RBMS1: variants seen among roughly 807,000 people sequenced by gnomAD.
RBMS1 encodes RNA binding motif single stranded interacting protein 1.
RBMS1 carries 17 observed loss-of-function variants against 62.3 expected under a neutral mutation model. The observed-to-expected ratio is 0.27, with a 90% confidence interval of 0.19 to 0.41. The LOEUF is 0.41. Among genes scored for constraint, RBMS1 ranks in the 10% least tolerant of loss-of-function variants. The probability of loss-of-function intolerance (pLI) is 1.00; values close to 1 mark genes in which losing one functional copy is unlikely to be tolerated. For synonymous variants in RBMS1, 172 were observed against 170.0 expected (o/e 1.01, Z -0.09); for missense variants, 334 against 504.5 (o/e 0.66, Z 3.24).
At chr2:160,360,013 G>C (rs1238154760) in intron 2 of RBMS1, among the ~76,000 whole-genome samples, 4 of 152,068 alleles carry the variant, frequency 2.6e-5, no homozygotes, top group Non-Finnish European at 5.9e-5. Flanking sequence ...CTTGAACCCG[G>C]GAGACAGAGG....
intron 1 of RBMS1, among the ~76,000 whole-genome samples, chr2:160,472,425 C>G (rs1041438460): frequency 1.3e-5 from 2 of 152,210 alleles, no homozygotes; most frequent in Admixed American, 6.5e-5. Context: ...GCTAACAACA[C>G]CGAAGGATAA....
intron 1 of RBMS1, among the ~76,000 whole-genome samples, chr2:160,414,750 A>G (rs1363528715): frequency 6.6e-6 from 1 of 151,834 alleles, no homozygotes; most frequent in Non-Finnish European, 1.5e-5. Flanking sequence ...AAAATCGTTG[A>G]GTTAGCTAGC....
chr2:160,286,319 T>TA, intron 7 of RBMS1, among the ~76,000 whole-genome samples: 1 of 149,624 alleles, frequency 6.7e-6, no homozygotes, highest in South Asian at 2.1e-4. Flanking sequence ...TTTTTTTTTT[T>TA]ATTTTGTTTT....
At chr2:160,477,864 C>A (rs1338285978) in intron 1 of RBMS1, among the ~76,000 whole-genome samples, 3 of 152,164 alleles carry the variant, frequency 2.0e-5, no homozygotes, top group Non-Finnish European at 4.4e-5. Flanking sequence ...CCATCTTTCA[C>A]CATTGAAAAT....
intron 1 of RBMS1, among the ~76,000 whole-genome samples, chr2:160,408,925 C>G (rs558153116): frequency 2.0e-5 from 3 of 152,314 alleles, no homozygotes; most frequent in African/African-American, 7.2e-5. Flanking sequence ...GCAGTAAATA[C>G]TACAGAGTTC....
intron 1 of RBMS1, among the ~76,000 whole-genome samples, chr2:160,492,156 GA>G (rs1316554458): frequency 6.6e-6 from 1 of 152,142 alleles, no homozygotes; most frequent in East Asian, 1.9e-4. Flanking sequence ...AGAAAGTTCG[GA>G]CACTGCATCC....
At chr2:160,299,526 A>AAAG in intron 6 of RBMS1, among the ~76,000 whole-genome samples, 1 of 152,298 alleles carries the variant, frequency 6.6e-6, no homozygotes, top group African/African-American at 2.4e-5. Context: ...AAAAAAATGA[A>AAAG]CAAAAGCAAA....
At chr2:160,422,326 A>G (rs1157023268) in intron 1 of RBMS1, among the ~76,000 whole-genome samples, 3 of 152,076 alleles carry the variant, frequency 2.0e-5, no homozygotes, top group African/African-American at 7.3e-5. Flanking sequence ...CTTCAAGAAA[A>G]CCTACACATC....
intron 1 of RBMS1, among the ~76,000 whole-genome samples, chr2:160,448,594 T>G (rs1683780341): frequency 6.6e-6 from 1 of 152,258 alleles, no homozygotes; most frequent in Non-Finnish European, 1.5e-5. Context: ...GCTCACTCAG[T>G]GCTCGATGTT....
chr2:160,450,571 A>AC (rs1240959732), intron 1 of RBMS1, among the ~76,000 whole-genome samples: 6 of 150,058 alleles, frequency 4.0e-5, no homozygotes, highest in Non-Finnish European at 7.4e-5. Flanking sequence ...AATGAAAAAA[A>AC]AAAAAAAACA....
At chr2:160,475,306 G>A (rs556096632) in intron 1 of RBMS1, among the ~76,000 whole-genome samples, 1 of 152,324 alleles carries the variant, frequency 6.6e-6, no homozygotes, top group South Asian at 2.1e-4. Context: ...GCCGACCACA[G>A]GCCCTGCATC....
intron 6 of RBMS1, among the ~76,000 whole-genome samples, chr2:160,288,050 A>AG (rs1460900404): frequency 6.6e-6 from 1 of 151,702 alleles, no homozygotes; most frequent in Non-Finnish European, 1.5e-5. Context: ...GAGTTAAAAA[A>AG]AAAAAAAAGT....
At chr2:160,477,272 A>G (rs543742290) in intron 1 of RBMS1, among the ~76,000 whole-genome samples, 289 of 152,338 alleles carry the variant, frequency 1.9e-3, no homozygotes, top group Non-Finnish European at 3.5e-3. Context: ...ACTTGAGCCC[A>G]GGAGGTTGAG....
At chr2:160,416,866 A>G (rs764973311) in intron 1 of RBMS1, among the ~76,000 whole-genome samples, 13 of 152,212 alleles carry the variant, frequency 8.5e-5, no homozygotes, top group Non-Finnish European at 1.5e-4. Context: ...AAACTTTGTT[A>G]AACAGCCTTG....
chr2:160,319,675 T>C (rs929829837), intron 2 of RBMS1, among the ~76,000 whole-genome samples: 3 of 152,234 alleles, frequency 2.0e-5, no homozygotes, highest in Non-Finnish European at 2.9e-5. Context: ...ATGAATGATT[T>C]TGAGGACAAA....
intron 1 of RBMS1, among the ~76,000 whole-genome samples, chr2:160,381,728 G>A (rs951903890): frequency 2.0e-5 from 3 of 152,272 alleles, no homozygotes; most frequent in East Asian, 1.9e-4. Context: ...CCTTTGCTAC[G>A]AATGGTATAT....
chr2:160,319,727 A>AT (rs1456431774), intron 2 of RBMS1, among the ~76,000 whole-genome samples: 2 of 152,196 alleles, frequency 1.3e-5, no homozygotes. Flanking sequence ...ATTTTGTAGC[A>AT]TTTTAAACCA....
rs1434326254 is a variant in RBMS1, at chr2:160,275,646, A to T, written c.1212T>A (p.Pro404=). 6.2e-7 allele frequency: 1 copy of T among 1,613,544 alleles called. No homozygotes were observed. The change falls in exon 13 of 14, where the codon CCT becomes CCA. Residue 404 remains proline (P), a synonymous_variant. Transcript: ENST00000348849. ...CCCTCATACCTCACAGTTACTTATT[A>T]GGTTGAAAGGTATATGGAGAATGGT... ...SNDHSPYTFQ[P]NK is the part of the protein sequence containing the mutation.
intron 1 of RBMS1, among the ~76,000 whole-genome samples, chr2:160,398,888 A>C (rs1316916556): frequency 3.3e-5 from 5 of 152,080 alleles, no homozygotes; most frequent in African/African-American, 1.2e-4. Flanking sequence ...CTTTCTACAC[A>C]ATATCTTGAA....
Sources: gnomAD v4.1 joint callset for allele counts (sites outside exome capture counted in the v4.1 genomes callset) on GRCh38, gnomAD v4.1.1 for gene constraint, MANE v1.5 for transcripts, NCBI Gene and HGNC (gene_info 2026-07-23, HGNC 2026-07-21) for gene names.